The following COL25A1 variants were observed in gnomAD, a reference collection of about 807,000 sequenced individuals.
The protein encoded by COL25A1 is collagen alpha-1(XXV) chain.
In COL25A1, 103 loss-of-function variants were observed where a neutral mutation model predicts 128.4. The ratio of observed to expected loss-of-function variants is 0.80; its 90% CI spans 0.68 to 0.94. The LOEUF is 0.94. COL25A1 is among the 40% of genes least tolerant of loss of function. The probability of loss-of-function intolerance (pLI) is 0.00; values close to 1 mark genes in which losing one functional copy is unlikely to be tolerated. For synonymous variants in COL25A1, 279 were observed against 277.2 expected (o/e 1.01, Z -0.06); for missense variants, 745 against 840.0 (o/e 0.89, Z 1.40).
chr4:108,988,418 T>C (rs1753853084), intron 6 of COL25A1, among the ~76,000 whole-genome samples: 1 of 152,234 alleles, frequency 6.6e-6, no homozygotes, highest in Admixed American at 6.5e-5. Flanking sequence ...CTTATGAGGA[T>C]AGAGTTCAAC....
intron 31 of COL25A1, among the ~76,000 whole-genome samples, chr4:108,833,569 T>A (rs1733425096): frequency 6.6e-6 from 1 of 152,234 alleles, no homozygotes; most frequent in Non-Finnish European, 1.5e-5. Context: ...CTTAGATTCA[T>A]AAAAAATTGA....
At chr4:108,898,923 A>T (rs962170960) in intron 15 of COL25A1, among the ~76,000 whole-genome samples, 9 of 152,114 alleles carry the variant, frequency 5.9e-5, no homozygotes, top group Non-Finnish European at 1.3e-4. Flanking sequence ...CATAAGAATC[A>T]CACTATTTCC....
In COL25A1 at chr4:108,813,581, C is replaced by A. The variant is rs1286259158; in HGVS notation, c.*346G>T. 8.4e-6 allele frequency: 2 copies of A among 238,292 alleles called. No homozygotes were observed. Among genetic ancestry groups the A allele is most frequent in the Admixed American group, 5.1e-5 (1 of 19,590 alleles). 14.8% of individuals were successfully genotyped at this position (238,292 alleles called of 1,614,324 possible). On this transcript the variant is annotated 3_prime_UTR_variant, in exon 38 of 38. Coordinates refer to ENST00000399132, the MANE Select transcript of COL25A1 (RefSeq NM_198721.4). ...ATATTTGGTCACCATTTCATGTAAA[C>A]TATTTCATGGCACTTTTTGTCCATG...
chr4:108,856,106 T>A (rs980372010), intron 24 of COL25A1, among the ~76,000 whole-genome samples: 13 of 152,206 alleles, frequency 8.5e-5, no homozygotes, highest in African/African-American at 3.1e-4. Context: ...GAAATGTTTA[T>A]CTGAATCTCT....
chr4:108,845,923 T>C (rs1323239334), intron 28 of COL25A1, among the ~76,000 whole-genome samples: 1 of 152,198 alleles, frequency 6.6e-6, no homozygotes, highest in Non-Finnish European at 1.5e-5. Context: ...CAGGAAAACA[T>C]GAAGGCTTCC....
At chr4:109,137,984 A>ATATGTGTGTGTGTGTG (rs547874075) in intron 3 of COL25A1, among the ~76,000 whole-genome samples, 5,967 of 142,460 alleles carry the variant, frequency 0.042, 217 homozygotes, top group East Asian at 0.14. Flanking sequence ...TTATATATAT[A>ATATGTGTGTGTGTGTG]TGTGTGTGTG....
At chr4:108,898,755 C>T (rs181006967) in intron 15 of COL25A1, among the ~76,000 whole-genome samples, 1 of 152,074 alleles carries the variant, frequency 6.6e-6, no homozygotes, top group Admixed American at 6.6e-5. Flanking sequence ...TTTTGCAGGC[C>T]TAAGGATTTT....
At chr4:108,920,384 T>C (rs1429352068) in intron 12 of COL25A1, among the ~76,000 whole-genome samples, 194 bp downstream of exon 12, 2 of 152,200 alleles carry the variant, frequency 1.3e-5, no homozygotes, top group African/African-American at 4.8e-5. Context: ...CTTGGATTTA[T>C]TGAATTTTTT....
chr4:109,037,870 T>C (rs1466075701), intron 5 of COL25A1, among the ~76,000 whole-genome samples: 1 of 152,194 alleles, frequency 6.6e-6, no homozygotes, highest in Admixed American at 6.5e-5. Context: ...TTAAATGTAT[T>C]ATATTATTAT....
chr4:109,021,264 C>T (rs1270942617), intron 5 of COL25A1, among the ~76,000 whole-genome samples: 2 of 152,192 alleles, frequency 1.3e-5, no homozygotes, highest in African/African-American at 4.8e-5. Context: ...AGTATGAAGG[C>T]ACAAGCCAGT....
intron 3 of COL25A1, among the ~76,000 whole-genome samples, chr4:109,213,491 C>T (rs1198156083): frequency 1.3e-5 from 2 of 152,110 alleles, no homozygotes; most frequent in Non-Finnish European, 2.9e-5. Flanking sequence ...ACCAGCTGCA[C>T]GCTGTTGAGG....
intron 3 of COL25A1, among the ~76,000 whole-genome samples, chr4:109,240,075 C>T (rs1006718136): frequency 3.3e-5 from 5 of 152,110 alleles, no homozygotes; most frequent in Non-Finnish European, 7.4e-5. Context: ...TTCTGGATGC[C>T]TCCTGATGTA....
intron 13 of COL25A1, among the ~76,000 whole-genome samples, chr4:108,901,777 C>T (rs1218766216): frequency 6.6e-6 from 1 of 151,988 alleles, no homozygotes. Flanking sequence ...GAATGATAGG[C>T]TTTTGGGCAA....
chr4:108,933,851 G>GACACAC (rs3065581), intron 11 of COL25A1, among the ~76,000 whole-genome samples: 6,773 of 148,684 alleles, frequency 0.046, 195 homozygotes, highest in Middle Eastern at 0.14. Flanking sequence ...CAAGTTCACA[G>GACACAC]ACACACACAC....
intron 3 of COL25A1, among the ~76,000 whole-genome samples, chr4:109,159,114 GC>G (rs1772316459): frequency 6.6e-6 from 1 of 151,710 alleles, no homozygotes; most frequent in African/African-American, 2.4e-5. Context: ...AATTAAACAT[GC>G]TAAAAATTTT....
intron 3 of COL25A1, among the ~76,000 whole-genome samples, chr4:109,121,457 C>T (rs1041918212): frequency 2.0e-5 from 3 of 151,900 alleles, no homozygotes; most frequent in South Asian, 2.1e-4. Flanking sequence ...AATTAAAAAG[C>T]GGACAAAAGA....
intron 8 of COL25A1, among the ~76,000 whole-genome samples, chr4:108,947,324 C>T (rs1748887824): frequency 6.6e-6 from 1 of 151,914 alleles, no homozygotes; most frequent in South Asian, 2.1e-4. Flanking sequence ...TGCCTGTAAT[C>T]TCAGCTACTT....
chr4:109,221,995 T>A (rs1177059771), intron 3 of COL25A1, among the ~76,000 whole-genome samples: 1 of 149,558 alleles, frequency 6.7e-6, no homozygotes. Context: ...TCAGAGAAAC[T>A]AACAAAATTT....
At chr4:109,093,719 T>A (rs1765158640) in intron 3 of COL25A1, among the ~76,000 whole-genome samples, 1 of 151,932 alleles carries the variant, frequency 6.6e-6, no homozygotes, top group Non-Finnish European at 1.5e-5. Context: ...CTCAGAAAAA[T>A]TTTCAGAACT....
Sources: allele counts gnomAD v4.1 joint callset (sites outside exome capture counted in the v4.1 genomes callset), GRCh38; gene constraint gnomAD v4.1.1; transcripts MANE v1.5; gene names NCBI Gene and HGNC (gene_info 2026-07-23, HGNC 2026-07-21).